Variants in ST14 observed in about 807,000 individuals in gnomAD.
ST14 encodes ST14 transmembrane serine protease matriptase, also known as suppressor of tumorigenicity 14 protein.
Under a neutral mutation model 96.5 loss-of-function variants are expected in ST14, and 40 were observed. The observed-to-expected ratio is 0.41, with a 90% CI of 0.32 to 0.54. The LOEUF is 0.54. Among genes scored for constraint, ST14 ranks in the 20% least tolerant of loss-of-function variants. The pLI, the probability that ST14 is intolerant of heterozygous loss-of-function variation, is 0.17. For synonymous variants in ST14, 506 were observed against 492.1 expected (o/e 1.03, Z -0.37); for missense variants, 1,066 against 1,188.9 (o/e 0.90, Z 1.52).
intron 7 of ST14, among the ~76,000 whole-genome samples, chr11:130,191,258 G>C (rs1179750747): frequency 6.6e-6 from 1 of 151,932 alleles, no homozygotes; most frequent in Non-Finnish European, 1.5e-5. Context: ...CTCCAGCCCA[G>C]GAGGTCGAGG....
Position 130,188,002 on chromosome 11 carries a change from C to T in ST14, c.82-112C>T, listed in dbSNP as rs77436150. On this transcript the variant is annotated intron_variant, in intron 1 of 18. Coordinates refer to ENST00000278742, the MANE Select transcript of ST14 (RefSeq NM_021978.4). The surrounding 1 kb of genome is among the most constrained non-coding windows in gnomAD (Gnocchi z 5.4). The stretch of plus-strand genomic sequence containing the variant: ...GGAAGCCCCCTTCTTCTCACCCAAG[C>T]CCCTGCTTTCTTCTCCAAGCTGGAC... 456 of 1,451,062 alleles carry T rather than the reference C, an allele frequency of 3.1e-4. 6 individuals are homozygous for T. The East Asian group carries it at 9.7e-3, about 31-fold the overall frequency. 89.9% of individuals were successfully genotyped at this position (1,451,062 alleles called of 1,614,324 possible). A position where few individuals can be genotyped will look rare whatever the true frequency, so the allele number is the denominator to read the frequency against.
At position 130,187,241 on chromosome 11, in the gene ST14, C is replaced by T. The variant is rs1953246220; in HGVS notation, c.82-873C>T. On this transcript the variant is annotated intron_variant, in intron 1 of 18. Transcript: ENST00000278742. This position sits in a 1 kb window ranked among gnomAD's most constrained non-coding sequence, Gnocchi z 4.5. ...CAGGCCATGGTGCATCCCCAGGATT[C>T]AGGGCGGGCAGACGGCATGTGCTAT... 6.6e-6 allele frequency among the ~76,000 whole-genome samples: 1 copy of T among 152,204 alleles called. No individual in the cohort carries two copies. The highest frequency in any genetic ancestry group is 1.5e-5 in the Non-Finnish European group (1 of 68,038).
In ST14 at chr11:130,194,851, CATGTGT is replaced by C. The variant is rs1213337768; in HGVS notation, c.1113+115_1113+120del. The C allele has an allele frequency of 3.1e-4, 275 of 884,748 alleles. 1 individual carries two copies. In the African/African-American group the frequency reaches 4.0e-3, roughly 13 times the overall value. The allele number at this position is 884,748 out of a possible 1,614,324, so 54.8% of individuals were successfully genotyped here. ...GTGTGCATGTGTTTGCATATGTGTG[CATGTGT>C]GTGTGTGTGTGTGTGTGTGCGTATG... On this transcript the variant is annotated intron_variant, in intron 9 of 18. Coordinates refer to ENST00000278742, the MANE Select transcript of ST14 (RefSeq NM_021978.4).
chr11:130,182,554 C>G (rs1035477169), intron 1 of ST14, among the ~76,000 whole-genome samples: 8 of 152,158 alleles, frequency 5.3e-5, no homozygotes, highest in African/African-American at 1.9e-4. Context: ...GCCGTGTTGG[C>G]CATGCTGGTC....
chr11:130,166,580 G>A (rs908649359), intron 1 of ST14, among the ~76,000 whole-genome samples: 3 of 152,198 alleles, frequency 2.0e-5, no homozygotes, highest in African/African-American at 7.2e-5. Flanking sequence ...AGCTGGGAGG[G>A]AAAGGCTGAT....
intron 1 of ST14, among the ~76,000 whole-genome samples, chr11:130,179,207 T>A (rs1176890130): frequency 6.6e-6 from 1 of 152,196 alleles, no homozygotes; most frequent in Non-Finnish European, 1.5e-5. Flanking sequence ...TCCTGATGCA[T>A]GACATCAGCA....
At position 130,196,350 on chromosome 11, in the gene ST14, C is replaced by A. The variant is rs1348854547; in HGVS notation, c.1125C>A (p.Asn375Lys). The change falls in exon 10 of 19, where the codon AAC becomes AAA. Residue 375 changes from asparagine to lysine, a missense_variant. Asn to Lys is a moderately conservative substitution (Grantham distance 94, BLOSUM62 0). Transcript: ENST00000278742. Reference sequence around the variant, plus strand: ...CTCTCTTCCCTCAGGTGCCCAACAACCAGCATGTGAAGGTGCGCTTCAAAT... The same window carrying A: ...CTCTCTTCCCTCAGGTGCCCAACAAACAGCATGTGAAGGTGCGCTTCAAAT... ...DCTWNIEVPN[N>K]QHVKVRFKFF... 1.3e-6 allele frequency: 2 copies of A among 1,593,928 alleles called. No homozygotes were observed. Among genetic ancestry groups the A allele is most frequent in the African/African-American group, 2.7e-5 (2 of 74,744 alleles).
Position 130,210,168 on chromosome 11 carries a change from G to A in ST14, c.*345G>A, listed in dbSNP as rs1259896971. 2 of 251,822 alleles carry A rather than the reference G, an allele frequency of 7.9e-6. No homozygotes were observed. The highest frequency in any genetic ancestry group is 1.5e-5 in the Non-Finnish European group (2 of 129,634). 15.6% of individuals were successfully genotyped at this position (251,822 alleles called of 1,614,324 possible). On this transcript the variant is annotated 3_prime_UTR_variant, in exon 19 of 19. Coordinates refer to ENST00000278742, the MANE Select transcript of ST14 (RefSeq NM_021978.4). The stretch of plus-strand genomic sequence containing the variant: ...TAAGGAGCAGCGGGAACGGAGCTTC[G>A]GGGCCTCCTCAGTGAAGGTGGTGGG...
At chr11:130,193,416 G>A (rs1302202255) in intron 7 of ST14, among the ~76,000 whole-genome samples, 5 of 151,636 alleles carry the variant, frequency 3.3e-5, no homozygotes, top group African/African-American at 1.2e-4. Flanking sequence ...TTCTGATTGA[G>A]CCCACAGTTT....
In ST14 at chr11:130,188,233, G is replaced by T; in HGVS notation, c.201G>T (p.Leu67Phe). 1 of 1,614,104 alleles carries T rather than the reference G, an allele frequency of 6.2e-7. No individual in the cohort carries two copies. The highest frequency in any genetic ancestry group is 2.2e-5 in the East Asian group (1 of 44,876). The change falls in exon 2 of 19, where the codon TTG becomes TTT. Residue 67 changes from leucine (L) to phenylalanine (F), a missense_variant. By Grantham distance (22) the Leu-to-Phe change is conservative. Transcript: ENST00000278742. The surrounding 1 kb of genome is among the most constrained non-coding windows in gnomAD (Gnocchi z 5.4). ...VLAAVLIGLLLVLLGIGFLVW... is the reference protein window; with the variant it reads ...VLAAVLIGLLFVLLGIGFLVW... ...CAGCCGTGCTGATCGGCCTCCTCTTGGTCTTGCTGGGGATCGGCTTCCTGG... is the reference window on the plus strand; with the variant it reads ...CAGCCGTGCTGATCGGCCTCCTCTTTGTCTTGCTGGGGATCGGCTTCCTGG...
intron 1 of ST14, among the ~76,000 whole-genome samples, chr11:130,165,660 G>C (rs879349738): frequency 6.6e-6 from 1 of 152,178 alleles, no homozygotes; most frequent in Non-Finnish European, 1.5e-5. Flanking sequence ...TGGGGATGAT[G>C]ATGGTGGTGG....
In ST14 at chr11:130,184,737, T is replaced by C. The variant is rs144774358; in HGVS notation, c.82-3377T>C. ...GGATGGGAAAAATAGTCTGGAGAGA[T>C]TGAATCAAAGAATATGTGGGCTTGA... On this transcript the variant is annotated intron_variant, in intron 1 of 18. Transcript: ENST00000278742. Among the ~76,000 whole-genome samples the C allele has an allele frequency of 1.5e-3, 221 of 152,144 alleles. 1 individual carries two copies. In the South Asian group the frequency reaches 0.02, roughly 13 times the overall value.
Position 130,194,735 on chromosome 11 carries a change from G to A in ST14, c.1111G>A (p.Glu371Lys). 1.2e-6 allele frequency: 2 copies of A among 1,614,136 alleles called. No homozygotes were observed. The highest frequency in any genetic ancestry group is 1.7e-6 in the Non-Finnish European group (2 of 1,180,014). ...PPNIDCTWNI[E>K]VPNNQHVKVR... Reference sequence around the variant, plus strand: ...CAACATTGACTGCACATGGAACATTGAGGTAGGAGCTATGGGGCGTGTGAA... The same window carrying A: ...CAACATTGACTGCACATGGAACATTAAGGTAGGAGCTATGGGGCGTGTGAA... Residue 371 changes from glutamate (E) to lysine (K), a missense_variant and splice_region_variant, in exon 9 of 19, where the codon GAG becomes AAG. Physicochemically the swap from Glu to Lys is moderately conservative, Grantham distance 56. Transcript: ENST00000278742.
chr11:130,180,277 G>T (rs114258159), intron 1 of ST14, among the ~76,000 whole-genome samples: 1 of 152,192 alleles, frequency 6.6e-6, no homozygotes, highest in Non-Finnish European at 1.5e-5. Flanking sequence ...TCATGTGACT[G>T]CCCTTCACGG....
intron 1 of ST14, among the ~76,000 whole-genome samples, chr11:130,172,242 G>C (rs1400863690): frequency 1.3e-5 from 2 of 151,290 alleles, no homozygotes; most frequent in Non-Finnish European, 2.9e-5. Context: ...AGCCCGCTGA[G>C]TAGCTGTGCC....
rs899419497 is a variant in ST14, at chr11:130,208,574, C to G, written c.2159C>G (p.Pro720Arg). 1.2e-6 allele frequency: 2 copies of G among 1,614,086 alleles called. No individual in the cohort carries two copies. The highest frequency in any genetic ancestry group is 1.3e-5 in the African/African-American group (1 of 74,944). The change falls in exon 17 of 19, where the codon CCG becomes CGG. Residue 720 changes from proline to arginine, a missense_variant. Transcript: ENST00000278742. The stretch of plus-strand genomic sequence containing the variant: ...ATCGCGCTGCTGGAGCTGGAGAAAC[C>G]GGCAGAGTACAGCTCCATGGTGCGG... Reference protein sequence around the residue: ...YDIALLELEKPAEYSSMVRPI... With the variant: ...YDIALLELEKRAEYSSMVRPI...
chr11:130,160,667 CAT>C (rs757434472), intron 1 of ST14, among the ~76,000 whole-genome samples: 10 of 152,298 alleles, frequency 6.6e-5, no homozygotes, highest in Non-Finnish European at 8.8e-5. Context: ...TGGGAACACA[CAT>C]GTCTTGAGCC....
chr11:130,198,464 G>A (rs374122477), intron 13 of ST14, 44 bp from the exon 14 acceptor site: 292 of 1,612,672 alleles, frequency 1.8e-4, no homozygotes, highest in Non-Finnish European at 2.3e-4. Flanking sequence ...TGGGCGGGGC[G>A]ACTGACGGTG....
chr11:130,199,889 C>T, intron 15 of ST14, 62 bp from the exon 16 acceptor site: 1 of 1,599,492 alleles, frequency 6.3e-7, no homozygotes, highest in Non-Finnish European at 8.6e-7. Flanking sequence ...ACTGCATGTC[C>T]CCTTGTGGTT....
Sources: allele counts gnomAD v4.1 joint callset (sites outside exome capture counted in the v4.1 genomes callset), GRCh38; gene constraint gnomAD v4.1.1; non-coding constraint Gnocchi (gnomAD v3.1); transcripts MANE v1.5; gene names NCBI Gene and HGNC (gene_info 2026-07-23, HGNC 2026-07-21).